ADAM19: variants seen among roughly 807,000 people sequenced by gnomAD.
The protein encoded by ADAM19 is disintegrin and metalloproteinase domain-containing protein 19.
A neutral mutation model predicts 114.7 loss-of-function variants in ADAM19; 65 were observed. The observed-to-expected ratio is 0.57, with a 90% CI of 0.46 to 0.70. The LOEUF (loss-of-function observed/expected upper bound fraction) is 0.70, where lower values mean the gene tolerates loss of function less well. Among genes scored for constraint, ADAM19 ranks in the 30% least tolerant of loss-of-function variants. ADAM19 has a pLI of 0.00. For missense variants in ADAM19, 1,063 were observed against 1,204.7 expected (o/e 0.88, Z 1.74); for synonymous variants, 466 against 460.5 (o/e 1.01, Z -0.15).
intron 12 of ADAM19, 97 bp from the exon 13 acceptor site, chr5:157,499,759 T>C: frequency 1.5e-6 from 1 of 653,912 alleles, no homozygotes; most frequent in Non-Finnish European, 2.6e-6. Flanking sequence ...ACCCCAGCTC[T>C]CTAGCAACTA....
At chr5:157,563,249 C>A (rs7725839) in intron 3 of ADAM19, among the ~76,000 whole-genome samples, 20,271 of 152,076 alleles carry the variant, frequency 0.13, 1,421 homozygotes, top group Middle Eastern at 0.25. Flanking sequence ...TGACTGTGAT[C>A]CCCATCTTTC....
intron 5 of ADAM19, among the ~76,000 whole-genome samples, chr5:157,523,852 G>T (rs1468338815): frequency 6.6e-6 from 1 of 152,192 alleles, no homozygotes; most frequent in Non-Finnish European, 1.5e-5. Flanking sequence ...ACCCTCTGTA[G>T]CAGGCACCTG....
chr5:157,571,119 G>T, intron 1 of ADAM19, 139 bp from the exon 2 acceptor site: 2 of 653,586 alleles, frequency 3.1e-6, no homozygotes, highest in Non-Finnish European at 5.3e-6. Context: ...CACTTCCTAG[G>T]AACTAGGCAC....
At chr5:157,564,535 G>A (rs1344618394) in intron 2 of ADAM19, 92 bp from the exon 3 acceptor site, 13 of 1,056,564 alleles carry the variant, frequency 1.2e-5, no homozygotes, top group Non-Finnish European at 1.8e-5. Context: ...CTCCAACATT[G>A]ATCCACAGGA....
intron 10 of ADAM19, among the ~76,000 whole-genome samples, chr5:157,506,386 T>A (rs770717472): frequency 2.6e-5 from 4 of 152,190 alleles, no homozygotes; most frequent in Non-Finnish European, 4.4e-5. Flanking sequence ...CCCATTCCTA[T>A]CCTATGATTA....
intron 11 of ADAM19, among the ~76,000 whole-genome samples, chr5:157,504,425 AT>A (rs1368824043): frequency 6.6e-6 from 1 of 151,934 alleles, no homozygotes; most frequent in African/African-American, 2.4e-5. Flanking sequence ...TAATTTTTGT[AT>A]TTTTAGCAGA....
intron 2 of ADAM19, among the ~76,000 whole-genome samples, chr5:157,569,701 A>G (rs1757770650): frequency 6.6e-6 from 1 of 152,012 alleles, no homozygotes; most frequent in South Asian, 2.1e-4. Flanking sequence ...AACAGCCACA[A>G]TGTCTGAAGT....
At position 157,575,685 on chromosome 5, in the gene ADAM19, G is replaced by A; in HGVS notation, c.12C>T (p.Gly4=). Residue 4 remains glycine, a synonymous_variant, in exon 1 of 23, where the codon GGC becomes GGT. Coordinates refer to ENST00000257527, the MANE Select transcript of ADAM19 (RefSeq NM_033274.5). The stretch of plus-strand genomic sequence containing the variant: ...GCAAGCAGAGCCGGGCGGCGCCTGC[G>A]CCCCCTGGCATGGTGGCGGCGGCCC... MPG[G]AGAARLCLLA... The A allele has an allele frequency of 7.5e-7, 1 of 1,340,410 alleles. No homozygotes were observed. The highest frequency in any genetic ancestry group is 9.5e-7 in the Non-Finnish European group (1 of 1,051,856). 83.0% of individuals were successfully genotyped at this position (1,340,410 alleles called of 1,614,324 possible).
intron 2 of ADAM19, chr5:157,568,381 G>T (rs1757727827): frequency 6.6e-6 from 1 of 152,124 alleles, no homozygotes; most frequent in Admixed American, 6.5e-5. Flanking sequence ...TTTTTCTATG[G>T]GGCATTTCAA....
chr5:157,505,303 A>G (rs571055494), intron 11 of ADAM19, among the ~76,000 whole-genome samples: 1 of 152,202 alleles, frequency 6.6e-6, no homozygotes, highest in Non-Finnish European at 1.5e-5. Context: ...TTGAAACAGC[A>G]CTGATCCAAC....
intron 3 of ADAM19, among the ~76,000 whole-genome samples, chr5:157,549,155 G>C (rs1011963233): frequency 2.0e-4 from 31 of 152,178 alleles, no homozygotes; most frequent in African/African-American, 7.2e-4. Context: ...TAGAAATACA[G>C]CCTAGCTTTT....
intron 15 of ADAM19, among the ~76,000 whole-genome samples, chr5:157,494,400 CA>C (rs1458127867): frequency 6.6e-6 from 1 of 152,106 alleles, no homozygotes; most frequent in Non-Finnish European, 1.5e-5. Context: ...TAGAATTTGG[CA>C]GAAATGACCC....
intron 3 of ADAM19, among the ~76,000 whole-genome samples, chr5:157,551,719 A>G (rs1268933938): frequency 6.6e-6 from 1 of 151,540 alleles, no homozygotes; most frequent in East Asian, 1.9e-4. Flanking sequence ...AAACAACTCT[A>G]TAAGAAAAAA....
chr5:157,498,961 T>C (rs1377095950), intron 13 of ADAM19, among the ~76,000 whole-genome samples: 4 of 152,088 alleles, frequency 2.6e-5, no homozygotes, highest in African/African-American at 9.7e-5. Context: ...AATTTCAGAA[T>C]TGTGGAAGAG....
intron 4 of ADAM19, among the ~76,000 whole-genome samples, chr5:157,531,993 C>A (rs1756638906): frequency 6.6e-6 from 1 of 152,178 alleles, no homozygotes; most frequent in African/African-American, 2.4e-5. Context: ...CTGTTTTAAA[C>A]CTTTAAGTTT....
intron 5 of ADAM19, among the ~76,000 whole-genome samples, chr5:157,528,716 C>G (rs1162907472): frequency 6.6e-6 from 1 of 152,116 alleles, no homozygotes; most frequent in Non-Finnish European, 1.5e-5. Flanking sequence ...TGTATAGGAG[C>G]CTGCATAAGT....
At chr5:157,506,092 A>T (rs1460374167) in intron 10 of ADAM19, among the ~76,000 whole-genome samples, 2 of 152,240 alleles carry the variant, frequency 1.3e-5, no homozygotes, top group African/African-American at 2.4e-5. Context: ...AATAAATAAA[A>T]GAGGAAGATT....
chr5:157,507,860 G>C (rs1157725882), intron 9 of ADAM19, among the ~76,000 whole-genome samples: 1 of 152,038 alleles, frequency 6.6e-6, no homozygotes, highest in Non-Finnish European at 1.5e-5. Context: ...CAGTGTTTCT[G>C]TGCATGCCAC....
chr5:157,566,538 A>C (rs565435583), intron 2 of ADAM19: 1 of 152,350 alleles, frequency 6.6e-6, no homozygotes, highest in South Asian at 2.1e-4. Flanking sequence ...AGTCATAATA[A>C]ATCTCCACGC....
Sources: gnomAD v4.1 joint callset for allele counts (sites outside exome capture counted in the v4.1 genomes callset) on GRCh38, gnomAD v4.1.1 for gene constraint, MANE v1.5 for transcripts, NCBI Gene and HGNC (gene_info 2026-07-23, HGNC 2026-07-21) for gene names.